Variants in NOL7 observed in about 807,000 individuals in gnomAD.
NOL7 encodes the protein nucleolar protein 7.
Under a neutral mutation model 38.4 loss-of-function variants are expected in NOL7, and 36 were observed. The observed-to-expected ratio is 0.94, with a 90% CI of 0.72 to 1.24. The LOEUF is 1.24. NOL7 is among the 50% of genes most tolerant of loss of function. NOL7 has a pLI of 0.00. For synonymous variants in NOL7, 142 were observed against 126.5 expected (o/e 1.12, Z -0.82); for missense variants, 350 against 315.1 (o/e 1.11, Z -0.84).
chr6:13,628,522 C>T lies in NOL7; in HGVS notation n.574-3871C>T, dbSNP rs184180500. ...AAATAAGGTTTTAAATGAAGGAAAC[C>T]AATATGGATTAGACTTAATTTTAGA... On this transcript the variant is annotated intron_variant and non_coding_transcript_variant, in intron 8 of 8. Coordinates refer to the NOL7 transcript ENST00000474485. Among the ~76,000 whole-genome samples the T allele has an allele frequency of 2.3e-4, 35 of 152,168 alleles. No individual in the cohort carries two copies. The East Asian group carries it at 6.6e-3, about 29-fold the overall frequency.
At chr6:13,617,740 G>T in intron 3 of NOL7, 30 bp from the exon 4 acceptor site, 2 of 1,608,776 alleles carry the variant, frequency 1.2e-6, no homozygotes, top group Non-Finnish European at 1.7e-6. Flanking sequence ...TACTGCCATT[G>T]CAGTCAGTGG....
At chr6:13,622,236 T>C (rs1336261165), downstream of NOL7, 1 of 998,888 alleles carries the variant, frequency 1.0e-6, no homozygotes, top group African/African-American at 1.7e-5. Context: ...TAGGAAGCAA[T>C]GTAAAGCGAC....
intron 8 of NOL7, among the ~76,000 whole-genome samples, chr6:13,628,855 A>G (rs1562295821): frequency 6.6e-6 from 1 of 152,244 alleles, no homozygotes; most frequent in Non-Finnish European, 1.5e-5. Context: ...CCATTGGTAC[A>G]TTCCTTCATT....
At chr6:13,625,640 TG>T (rs1481417881), downstream of NOL7, 6 of 1,554,074 alleles carry the variant, frequency 3.9e-6, no homozygotes, top group Non-Finnish European at 5.3e-6. Context: ...GTGCCTTATT[TG>T]GCTTTACTTA....
downstream of NOL7, chr6:13,622,339 G>C (rs776349413): frequency 2.0e-6 from 3 of 1,530,308 alleles, no homozygotes; most frequent in African/African-American, 4.2e-5. Flanking sequence ...CACAATATAA[G>C]TGTGAGCTCT....
rs35401168 is a variant in NOL7 at position 13,627,630 on chromosome 6, C to CAAAA, written n.574-4742_574-4739dup. 2.8e-3 allele frequency among the ~76,000 whole-genome samples: 188 copies of CAAAA among 66,384 alleles called. 1 individual carries two copies. The highest frequency in any genetic ancestry group is 0.01 in the African/African-American group (173 of 17,002). The allele number at this position is 66,384 out of a possible 152,430, so 43.6% of individuals were successfully genotyped here. On this transcript the variant is annotated intron_variant and non_coding_transcript_variant, in intron 8 of 8. Coordinates refer to the NOL7 transcript ENST00000474485. ...GGACGACAGAGAGAGACTCCATCTC[C>CAAAA]AAAAAAAAAAAAAAAAAAAAAAAAT... is the stretch of plus-strand genomic sequence containing the variant.
At chr6:13,632,119 T>G (rs13191719) in intron 8 of NOL7, among the ~76,000 whole-genome samples, 2 of 2,648 alleles carry the variant, frequency 7.6e-4, no homozygotes, top group South Asian at 0.012. Context: ...GATTTAATCC[T>G]TTTTTTTTTT....
chr6:13,619,709 C>G (rs1435436456), intron 5 of NOL7, among the ~76,000 whole-genome samples: 5 of 152,200 alleles, frequency 3.3e-5, no homozygotes, highest in African/African-American at 7.2e-5. Flanking sequence ...ATCTGAGATG[C>G]TGATTGTTCA....
chr6:13,622,210 G>T, downstream of NOL7: 1 of 692,968 alleles, frequency 1.4e-6, no homozygotes, highest in East Asian at 3.4e-5. Flanking sequence ...AAAATCATTT[G>T]CATCATGCTG....
intron 3 of NOL7, 80 bp downstream of exon 3, chr6:13,616,601 A>C: frequency 1.0e-6 from 1 of 959,344 alleles, no homozygotes; most frequent in South Asian, 1.8e-5. Context: ...ATTTGAATCC[A>C]TATAACTGAA....
Position 13,616,487 on chromosome 6 carries a change from A to G in NOL7, c.352A>G (p.Ile118Val), listed in dbSNP as rs776260445. ...QKKRKLLPDT[I>V]LEKLTTASQT... The stretch of plus-strand genomic sequence containing the variant: ...GAAAAGAAAACTCCTTCCAGACACT[A>G]TTTTGGAGAAGTTAACCACAGCTTC... Residue 118 changes from isoleucine (I) to valine (V), a missense_variant, in exon 3 of 8, where the codon ATT (isoleucine) becomes GTT (valine). Coordinates refer to ENST00000451315, the MANE Select transcript of NOL7 (RefSeq NM_016167.5). 5.0e-6 allele frequency: 8 copies of G among 1,609,242 alleles called. No homozygotes were observed. In the Admixed American group the frequency reaches 5.1e-5, roughly 10 times the overall value.
Position 13,620,344 on chromosome 6 carries a change from G to C in NOL7, c.622+15G>C, listed in dbSNP as rs1298745664. ...CAGGACTACTGGTAATTTTTTTATG[G>C]ACTATTTTTCTCACTTTTTACTGCA... On this transcript the variant is annotated intron_variant, in intron 6 of 7. Coordinates refer to ENST00000451315, the MANE Select transcript of NOL7 (RefSeq NM_016167.5). 6.2e-7 allele frequency: 1 copy of C among 1,613,528 alleles called. No individual in the cohort carries two copies. Among genetic ancestry groups the C allele is most frequent in the Non-Finnish European group, 8.5e-7 (1 of 1,179,878 alleles).
Position 13,617,680 on chromosome 6 carries a change from TCTTA to T in NOL7, c.387-86_387-83del. 3 of 1,246,604 alleles carry T rather than the reference TCTTA, an allele frequency of 2.4e-6. No individual in the cohort carries two copies. In the East Asian group the frequency reaches 7.1e-5, roughly 30 times the overall value. 77.2% of individuals were successfully genotyped at this position (1,246,604 alleles called of 1,614,324 possible). ...AGGGTGTTGGTAATGAAAGGGGGTGTCTTACTTGTAAAGGCAAATGAAATAATAT... is the reference window on the plus strand; with the variant it reads ...AGGGTGTTGGTAATGAAAGGGGGTGTCTTGTAAAGGCAAATGAAATAATAT... On this transcript the variant is annotated intron_variant, in intron 3 of 7. Transcript: ENST00000451315.
At chr6:13,618,205 A>G (rs1764338207) in intron 5 of NOL7, 66 bp downstream of exon 5, 1 of 554,742 alleles carries the variant, frequency 1.8e-6, no homozygotes, top group Non-Finnish European at 3.1e-6. Flanking sequence ...GTATTGGCTA[A>G]CATGGGAAAA....
downstream of NOL7, among the ~76,000 whole-genome samples, chr6:13,624,187 A>G (rs1229176151): frequency 6.6e-6 from 1 of 152,236 alleles, no homozygotes; most frequent in East Asian, 1.9e-4. Flanking sequence ...CACTACTCCT[A>G]TTCCCAAACT....
chr6:13,622,789 T>A (rs566193078), downstream of NOL7, among the ~76,000 whole-genome samples: 2 of 152,362 alleles, frequency 1.3e-5, no homozygotes, highest in East Asian at 3.9e-4. Flanking sequence ...TACAATTTTT[T>A]ATCTGATATT....
chr6:13,615,446 G>C lies in NOL7; in HGVS notation c.88G>C (p.Glu30Gln). The stretch of plus-strand genomic sequence containing the variant: ...GGGCCAGCTGGCCTCGGAGGAGGAG[G>C]AGGCGGAGCACGGGCTGTTGCTCGG... ...DEGQLASEEE[E>Q]AEHGLLLGQP... Residue 30 changes from glutamate to glutamine, a missense_variant, in exon 1 of 8, where the codon GAG becomes CAG. Glu to Gln is a conservative substitution (Grantham distance 29). Transcript: ENST00000451315. 6.5e-7 allele frequency: 1 copy of C among 1,549,804 alleles called. No homozygotes were observed. Among genetic ancestry groups the C allele is most frequent in the Non-Finnish European group, 8.7e-7 (1 of 1,146,776 alleles).
At chr6:13,630,683 C>T (rs1271144836) in intron 8 of NOL7, among the ~76,000 whole-genome samples, 1 of 152,052 alleles carries the variant, frequency 6.6e-6, no homozygotes, top group Non-Finnish European at 1.5e-5. Flanking sequence ...CTTTCATTTC[C>T]TCTGACTATA....
chr6:13,626,075 A>G (rs575975966), downstream of NOL7, among the ~76,000 whole-genome samples: 5 of 152,250 alleles, frequency 3.3e-5, no homozygotes, highest in South Asian at 8.3e-4. Context: ...TGGAAGGCAA[A>G]ACATTCAGAT....
Sources: allele counts gnomAD v4.1 joint callset (sites outside exome capture counted in the v4.1 genomes callset), GRCh38; gene constraint gnomAD v4.1.1; transcripts MANE v1.5; gene names NCBI Gene and HGNC (gene_info 2026-07-23, HGNC 2026-07-21).